SLC15A4: variants seen among roughly 807,000 people sequenced by gnomAD.
The protein encoded by SLC15A4 is hPHT1.
SLC15A4 carries 26 observed loss-of-function variants against 46.1 expected under a neutral mutation model. The ratio of observed to expected loss-of-function variants is 0.56; its 90% CI spans 0.41 to 0.78. The LOEUF is 0.78. SLC15A4 is among the 30% of genes least tolerant of loss of function. The pLI is 0.00. For missense variants in SLC15A4, 751 were observed against 755.7 expected (o/e 0.99, Z 0.07); for synonymous variants, 370 against 333.4 (o/e 1.11, Z -1.20).
At chr12:128,815,944 C>T (rs778654817) in intron 1 of SLC15A4, 1 of 152,208 alleles carries the variant, frequency 6.6e-6, no homozygotes, top group Admixed American at 6.5e-5. Flanking sequence ...ACCACCCACA[C>T]CAATTGTATC....
chr12:128,823,345 G>C, intron 1 of SLC15A4, 53 bp downstream of exon 1: 4 of 1,342,130 alleles, frequency 3.0e-6, no homozygotes, highest in Non-Finnish European at 2.9e-6. Context: ...AAGAGGCTGG[G>C]GCTGGGCAGG....
chr12:128,803,154 C>T (rs945214107), intron 5 of SLC15A4, among the ~76,000 whole-genome samples: 9 of 152,278 alleles, frequency 5.9e-5, no homozygotes, highest in African/African-American at 2.2e-4. Context: ...AGATAAAAGT[C>T]ATCCACTTGT....
intron 7 of SLC15A4, among the ~76,000 whole-genome samples, chr12:128,798,417 G>A (rs2135704627): frequency 6.6e-6 from 1 of 152,252 alleles, no homozygotes; most frequent in South Asian, 2.1e-4. Flanking sequence ...TGGAGTTCTG[G>A]GCTTTACATT....
chr12:128,809,836 G>GA (rs922045240), intron 3 of SLC15A4, 107 bp downstream of exon 3: 49 of 1,170,530 alleles, frequency 4.2e-5, no homozygotes, highest in African/African-American at 1.1e-4. Context: ...AGACTCATGG[G>GA]AAAAAAAATC....
intron 2 of SLC15A4, chr12:128,813,516 G>A (rs1409055448): frequency 6.6e-6 from 1 of 152,178 alleles, no homozygotes; most frequent in Non-Finnish European, 1.5e-5. Flanking sequence ...TTTTGGTGAA[G>A]TTTCAATCTA....
Position 128,796,458 on chromosome 12 carries a change from A to AAAAAC in SLC15A4, c.1574-2103_1574-2102insGTTTT, listed in dbSNP as rs1176888407. Among the ~76,000 whole-genome samples, 215 of 34,618 alleles carry AAAAAC rather than the reference A, an allele frequency of 6.2e-3. 17 individuals carry two copies. The East Asian group carries it at 0.069, about 11-fold the overall frequency. The allele number at this position is 34,618 out of a possible 152,430, so 22.7% of individuals were successfully genotyped here. A position where few individuals can be genotyped will look rare whatever the true frequency, so the allele number is the denominator to read the frequency against. The stretch of plus-strand genomic sequence containing the variant: ...AAAAAAAAAAAAAAAAAAAAAAAAA[A>AAAAAC]CCCACACATCTGTATGGTGAGATCT... On this transcript the variant is annotated intron_variant, in intron 7 of 7. Coordinates refer to ENST00000266771, the MANE Select transcript of SLC15A4 (RefSeq NM_145648.4).
Position 128,794,364 on chromosome 12 carries a change from A to T in SLC15A4, c.1574-8T>A. 2 of 1,603,084 alleles carry T rather than the reference A, an allele frequency of 1.2e-6. No individual in the cohort carries two copies. The highest frequency in any genetic ancestry group is 1.7e-6 in the Non-Finnish European group (2 of 1,175,030). ...AGCAGCCGTTAATATTACCTGGAGAAAACAAAAGGAAAGCGGCAGGTAAGC... is the reference window on the plus strand; with the variant it reads ...AGCAGCCGTTAATATTACCTGGAGATAACAAAAGGAAAGCGGCAGGTAAGC... On this transcript the variant is annotated splice_polypyrimidine_tract_variant and splice_region_variant and intron_variant, in intron 7 of 7. Coordinates refer to ENST00000266771, the MANE Select transcript of SLC15A4 (RefSeq NM_145648.4).
chr12:128,804,665 C>A (rs931182352), intron 5 of SLC15A4, among the ~76,000 whole-genome samples: 1 of 152,106 alleles, frequency 6.6e-6, no homozygotes, highest in African/African-American at 2.4e-5. Flanking sequence ...GGGAGGCGGA[C>A]GTTGCAGTGA....
rs969887139 is a variant in SLC15A4 at position 128,821,982 on chromosome 12, G to A, written c.546+1416C>T. Among the ~76,000 whole-genome samples, 3 of 152,028 alleles carry A rather than the reference G, an allele frequency of 2.0e-5. No homozygotes were observed. The East Asian group carries it at 5.8e-4, about 29-fold the overall frequency. On this transcript the variant is annotated intron_variant, in intron 1 of 7. Transcript: ENST00000266771. ...GAAGCAGACCTGACCTGCTACCCCAGCTGTAGTGCCTGCTCTGCACAAATC... is the reference window on the plus strand; with the variant it reads ...GAAGCAGACCTGACCTGCTACCCCAACTGTAGTGCCTGCTCTGCACAAATC...
intron 2 of SLC15A4, 118 bp from the exon 3 acceptor site, chr12:128,810,229 A>C: frequency 1.6e-5 from 14 of 898,744 alleles, no homozygotes; most frequent in Non-Finnish European, 2.2e-5. Context: ...GCTTCAACTC[A>C]TTCCATCACT....
Position 128,796,907 on chromosome 12 carries a change from TG to T in SLC15A4, c.1573+2351del, listed in dbSNP as rs200231812. Among the ~76,000 whole-genome samples the T allele has an allele frequency of 1.1e-3, 160 of 152,334 alleles. 1 individual carries two copies. In the East Asian group the frequency reaches 0.029, roughly 27 times the overall value. ...ACATGAACTGAAGGCTGCGCGGCCC[TG>T]CGGGAGTGGAGGTGCGGTCCAAGCC... On this transcript the variant is annotated intron_variant, in intron 7 of 7. Coordinates refer to ENST00000266771, the MANE Select transcript of SLC15A4 (RefSeq NM_145648.4).
Position 128,823,885 on chromosome 12 carries a change from G to C in SLC15A4, c.59C>G (p.Ala20Gly). Residue 20 changes from alanine (A) to glycine (G), a missense_variant, in exon 1 of 8, where the codon GCG becomes GGG. Coordinates refer to ENST00000266771, the MANE Select transcript of SLC15A4 (RefSeq NM_145648.4). ...ERAPLLGARR[A>G]AAAAAAAGAF... ...CCCAGCCGCCGCCGCGGCCGCCGCCGCCCGCCGCGCGCCCAGCAGCGGCGC... is the reference window on the plus strand; with the variant it reads ...CCCAGCCGCCGCCGCGGCCGCCGCCCCCCGCCGCGCGCCCAGCAGCGGCGC... The C allele has an allele frequency of 3.1e-5, 29 of 949,952 alleles. No homozygotes were observed. Among genetic ancestry groups the C allele is most frequent in the Non-Finnish European group, 3.6e-5 (29 of 800,278 alleles). The allele number at this position is 949,952 out of a possible 1,614,324, so 58.8% of individuals were successfully genotyped here.
chr12:128,809,875 C>G (rs929839693), intron 3 of SLC15A4, 68 bp downstream of exon 3: 222 of 1,496,210 alleles, frequency 1.5e-4, no homozygotes, highest in Non-Finnish European at 1.8e-4. Context: ...TAGAAATGGC[C>G]AAAACAAGTG....
chr12:128,804,856 C>T (rs975368188), intron 5 of SLC15A4, among the ~76,000 whole-genome samples: 2 of 152,182 alleles, frequency 1.3e-5, no homozygotes, highest in African/African-American at 4.8e-5. Flanking sequence ...AAATATTCTC[C>T]TGCCTACAGA....
intron 5 of SLC15A4, among the ~76,000 whole-genome samples, chr12:128,807,038 GACT>G (rs1193131528): frequency 6.6e-6 from 1 of 151,836 alleles, no homozygotes; most frequent in Admixed American, 6.6e-5. Flanking sequence ...GAGTAGCTGG[GACT>G]ACAGGCGCCC....
chr12:128,798,237 A>T (rs976698093), intron 7 of SLC15A4, among the ~76,000 whole-genome samples: 1 of 152,240 alleles, frequency 6.6e-6, no homozygotes, highest in Admixed American at 6.5e-5. Flanking sequence ...CCCATGTACC[A>T]CAAGAGGATC....
intron 1 of SLC15A4, among the ~76,000 whole-genome samples, chr12:128,821,880 G>C (rs1464809003): frequency 1.6e-5 from 1 of 61,342 alleles, no homozygotes; most frequent in African/African-American, 4.9e-5. Context: ...GCGAGACTCC[G>C]CCTCAAAAAA....
chr12:128,817,715 T>C (rs139853883), intron 1 of SLC15A4, among the ~76,000 whole-genome samples: 2 of 152,358 alleles, frequency 1.3e-5, no homozygotes, highest in African/African-American at 4.8e-5. Flanking sequence ...GGTGGTCAAT[T>C]TATTCCAACT....
intron 2 of SLC15A4, among the ~76,000 whole-genome samples, chr12:128,812,591 C>T (rs946530086): frequency 5.3e-5 from 8 of 152,184 alleles, no homozygotes; most frequent in Non-Finnish European, 2.9e-5. Flanking sequence ...GCTGGGATTA[C>T]GGGCTTGAGC....
Sources: allele counts gnomAD v4.1 joint callset (sites outside exome capture counted in the v4.1 genomes callset), GRCh38; gene constraint gnomAD v4.1.1; transcripts MANE v1.5; gene names NCBI Gene and HGNC (gene_info 2026-07-23, HGNC 2026-07-21).